The following SVOPL variants were observed in gnomAD, a reference collection of about 807,000 sequenced individuals.
SVOPL encodes the protein putative transporter SVOPL.
A neutral mutation model predicts 61.0 loss-of-function variants in SVOPL; 60 were observed. That is an observed-to-expected ratio of 0.98 (90% CI 0.80 to 1.22). SVOPL has a LOEUF of 1.22. Ranked by LOEUF, SVOPL falls within the 50% of genes most tolerant of loss-of-function variation. The pLI, the probability that SVOPL is intolerant of heterozygous loss-of-function variation, is 0.00. For missense variants in SVOPL, 662 were observed against 643.9 expected, an observed-to-expected ratio of 1.03 and a Z score of -0.30; for synonymous variants, 279 against 250.0, an observed-to-expected ratio of 1.12 and a Z score of -1.09.
At chr7:138,660,365 T>C in intron 5 of SVOPL, 2 of 993,098 alleles carry the variant, frequency 2.0e-6, no homozygotes, top group South Asian at 9.1e-5. Context: ...ATTTGCTTTT[T>C]CTTTAATTAT....
chr7:138,612,440 A>T lies in SVOPL; in HGVS notation c.1353+8606T>A, dbSNP rs1490554388. Among the ~76,000 whole-genome samples the T allele has an allele frequency of 3.2e-5, 3 of 94,794 alleles. 1 individual carries two copies. Among genetic ancestry groups the T allele is most frequent in the Admixed American group, 1.3e-4 (1 of 7,636 alleles). The allele number at this position is 94,794 out of a possible 152,430, so 62.2% of individuals were successfully genotyped here. ...AAAAAAAAATAAAATAAAAAATAAAAAAAAAATAAAAAAAAAAAAAAAAGA... is the reference window on the plus strand; with the variant it reads ...AAAAAAAAATAAAATAAAAAATAAATAAAAAATAAAAAAAAAAAAAAAAGA... On this transcript the variant is annotated intron_variant, in intron 14 of 15. Transcript: ENST00000674285.
chr7:138,648,942 T>C lies in SVOPL; in HGVS notation c.660+70A>G, dbSNP rs796431752. On this transcript the variant is annotated intron_variant, in intron 8 of 15. Transcript: ENST00000674285. ...GTCTCGAGGGGGAAAATAAAAGATA[T>C]TTGTGGGGCATGAAGGCCACTGGAC... The C allele has an allele frequency of 9.4e-6, 15 of 1,599,866 alleles. No individual in the cohort carries two copies. The African/African-American group carries it at 2.0e-4, about 22-fold the overall frequency.
At chr7:138,633,753 G>C (rs187219269) in intron 9 of SVOPL, among the ~76,000 whole-genome samples, 96 of 152,270 alleles carry the variant, frequency 6.3e-4, no homozygotes, top group Middle Eastern at 3.4e-3. Flanking sequence ...TATGGGGAAG[G>C]TTCAGCATAC....
rs1563095860 is a variant in SVOPL at position 138,621,998 on chromosome 7, CTATCTATG to C, written c.1264-871_1264-864del. 5.4e-4 allele frequency among the ~76,000 whole-genome samples: 24 copies of C among 44,512 alleles called. 1 individual carries two copies. Among genetic ancestry groups the C allele is most frequent in the African/African-American group, 1.3e-3 (17 of 13,158 alleles). 29.2% of individuals were successfully genotyped at this position (44,512 alleles called of 152,430 possible). On this transcript the variant is annotated intron_variant, in intron 13 of 15. Transcript: ENST00000674285. The stretch of plus-strand genomic sequence containing the variant: ...TGTATCTATCTATCTATGTATCTAT[CTATCTATG>C]TATCTATCTATGTATCTATCTATCT...
intron 13 of SVOPL, among the ~76,000 whole-genome samples, chr7:138,622,122 GTATCTATC>G (rs1255678984): frequency 3.6e-3 from 94 of 26,142 alleles, no homozygotes; most frequent in Middle Eastern, 0.017. Flanking sequence ...ATCTATCTAT[GTATCTATC>G]TATCTATGTA....
intron 1 of SVOPL, among the ~76,000 whole-genome samples, chr7:138,687,882 A>G (rs1802855609): frequency 6.6e-6 from 1 of 151,882 alleles, no homozygotes; most frequent in South Asian, 2.1e-4. Context: ...GCTCACTGCA[A>G]ACTTCCCCTC....
At chr7:138,691,111 G>C (rs1008549013) in intron 1 of SVOPL, among the ~76,000 whole-genome samples, 1 of 152,084 alleles carries the variant, frequency 6.6e-6, no homozygotes, top group African/African-American at 2.4e-5. Context: ...TTTTATGTAG[G>C]TGGATTATGT....
At chr7:138,672,645 T>TTTTG (rs2117110854) in intron 3 of SVOPL, among the ~76,000 whole-genome samples, 1 of 123,166 alleles carries the variant, frequency 8.1e-6, no homozygotes, top group East Asian at 2.3e-4. Context: ...GAAAGTGTTT[T>TTTTG]TTTTTGTGTT....
Position 138,621,173 on chromosome 7 carries a change from G to A in SVOPL, c.1264-38C>T, listed in dbSNP as rs1279017970. On this transcript the variant is annotated intron_variant, in intron 13 of 15. Coordinates refer to ENST00000674285, the MANE Select transcript of SVOPL (RefSeq NM_001139456.2). ...GCACGGAAAGTACCAGTCAGATAAT[G>A]TCCGTCCTTCCCCGAGCCCTCCTCT... 2.5e-6 allele frequency: 4 copies of A among 1,579,722 alleles called. No individual in the cohort carries two copies. In the East Asian group the frequency reaches 6.9e-5, roughly 27 times the overall value.
At chr7:138,600,545 T>C (rs1798470898) in intron 14 of SVOPL, among the ~76,000 whole-genome samples, 1 of 150,196 alleles carries the variant, frequency 6.7e-6, no homozygotes, top group African/African-American at 2.5e-5. Flanking sequence ...GAAGCTGCAA[T>C]GAGCCATGAT....
intron 7 of SVOPL, among the ~76,000 whole-genome samples, chr7:138,654,868 C>CT (rs34598728): frequency 0.019 from 2,507 of 135,182 alleles, 27 homozygotes; most frequent in Middle Eastern, 0.039. Context: ...GTTTCACTTC[C>CT]TTTTTTTTTT....
chr7:138,627,295 G>T, intron 12 of SVOPL, 55 bp downstream of exon 12: 2 of 1,339,190 alleles, frequency 1.5e-6, no homozygotes, highest in Non-Finnish European at 2.1e-6. Context: ...CATGGGTCAG[G>T]AGACTCCATT....
intron 4 of SVOPL, 102 bp from the exon 5 acceptor site, chr7:138,663,247 G>C (rs1802080990): frequency 1.3e-6 from 2 of 1,536,218 alleles, no homozygotes; most frequent in Non-Finnish European, 1.8e-6. Context: ...ATACGGGAGG[G>C]ATGGAAGTTA....
intron 7 of SVOPL, among the ~76,000 whole-genome samples, chr7:138,652,435 C>T (rs1801486157): frequency 6.6e-6 from 1 of 152,058 alleles, no homozygotes; most frequent in Non-Finnish European, 1.5e-5. Context: ...AATCCTCCCA[C>T]CTTGGCCTCC....
At chr7:138,689,398 T>G (rs1224239688) in intron 1 of SVOPL, 35 of 1,427,366 alleles carry the variant, frequency 2.5e-5, no homozygotes, top group Non-Finnish European at 3.2e-5. Context: ...TACCCATGCA[T>G]GAGCTCTCCC....
chr7:138,661,411 AG>A (rs1481206097), intron 5 of SVOPL: 7 of 985,268 alleles, frequency 7.1e-6, no homozygotes, highest in Admixed American at 6.1e-5. Flanking sequence ...AAAGCGGCTC[AG>A]AACAGTCTGA....
chr7:138,627,606 G>A (rs1018285073), intron 11 of SVOPL, 145 bp from the exon 12 acceptor site: 16 of 635,652 alleles, frequency 2.5e-5, no homozygotes, highest in African/African-American at 2.0e-4. Flanking sequence ...ATCCAGTCAC[G>A]TTGTCATCAA....
intron 9 of SVOPL, among the ~76,000 whole-genome samples, chr7:138,637,466 A>C (rs1292048443): frequency 1.7e-4 from 3 of 17,192 alleles, no homozygotes; most frequent in South Asian, 5.0e-3. Flanking sequence ...ATATATATAT[A>C]TAGATATAGA....
chr7:138,688,838 C>T, intron 1 of SVOPL: 1 of 361,174 alleles, frequency 2.8e-6, no homozygotes, highest in Admixed American at 3.8e-5. Context: ...ATTGTGTGCC[C>T]ATCAAAATTT....
Sources: gnomAD v4.1 joint callset for allele counts (sites outside exome capture counted in the v4.1 genomes callset) on GRCh38, gnomAD v4.1.1 for gene constraint, MANE v1.5 for transcripts, NCBI Gene and HGNC (gene_info 2026-07-23, HGNC 2026-07-21) for gene names.